Variants in PRIM2 observed in about 807,000 individuals in gnomAD.
PRIM2 encodes the protein DNA primase large subunit.
In PRIM2, 39 loss-of-function variants were observed where a neutral mutation model predicts 67.3. The observed-to-expected ratio is 0.58, with a 90% confidence interval of 0.45 to 0.76. The LOEUF (loss-of-function observed/expected upper bound fraction) is 0.76, where lower values mean the gene tolerates loss of function less well. Among genes scored for constraint, PRIM2 ranks in the 30% least tolerant of loss-of-function variants. The pLI is 0.00. For missense variants in PRIM2, 398 were observed against 598.7 expected (o/e 0.66, Z 3.50); for synonymous variants, 143 against 198.7 (o/e 0.72, Z 2.36).
chr6:57,230,436 T>A, the PRIM2 span, among the ~76,000 whole-genome samples: 1 of 152,336 alleles, frequency 6.6e-6, no homozygotes, highest in East Asian at 1.9e-4. Flanking sequence ...TGTTTTGACA[T>A]AGGCTATTGT....
At chr6:57,605,083 G>C (rs1354747122) in intron 11 of PRIM2, among the ~76,000 whole-genome samples, 2 of 152,160 alleles carry the variant, frequency 1.3e-5, no homozygotes. Context: ...TTATTGATTT[G>C]CATATGTTGA....
the PRIM2 span, among the ~76,000 whole-genome samples, chr6:57,222,679 G>T: frequency 6.6e-6 from 1 of 152,190 alleles, no homozygotes; most frequent in African/African-American, 2.4e-5. Context: ...ATAGAAGCCT[G>T]AGATGGTTAA....
the PRIM2 span, among the ~76,000 whole-genome samples, chr6:57,289,097 G>C: frequency 2.6e-5 from 4 of 152,200 alleles, no homozygotes; most frequent in African/African-American, 9.7e-5. Context: ...AAACAGTTTA[G>C]AGAAGGCCTT....
intron 10 of PRIM2, among the ~76,000 whole-genome samples, chr6:57,592,279 G>A (rs2127488788): frequency 6.6e-6 from 1 of 152,064 alleles, no homozygotes; most frequent in African/African-American, 2.4e-5. Context: ...CAATATAACG[G>A]TATAACAAAC....
intron 10 of PRIM2, among the ~76,000 whole-genome samples, chr6:57,548,777 A>G (rs1178312893): frequency 2.6e-5 from 4 of 152,190 alleles, no homozygotes; most frequent in African/African-American, 9.7e-5. Flanking sequence ...TAGAAAGAAG[A>G]GCTGTGGGAG....
chr6:57,447,380 G>A (rs2127388419), intron 7 of PRIM2, among the ~76,000 whole-genome samples: 1 of 152,246 alleles, frequency 6.6e-6, no homozygotes, highest in African/African-American at 2.4e-5. Flanking sequence ...CACCTCTGTG[G>A]CAATTATTAT....
chr6:57,394,827 G>A (rs1190832529), intron 7 of PRIM2, among the ~76,000 whole-genome samples: 1 of 152,076 alleles, frequency 6.6e-6, no homozygotes, highest in African/African-American at 2.4e-5. Flanking sequence ...TAACATTAAG[G>A]TATGTCCCTT....
intron 10 of PRIM2, among the ~76,000 whole-genome samples, chr6:57,556,483 T>C (rs1217622544): frequency 0.72 from 109,457 of 151,946 alleles, 40,081 homozygotes; most frequent in African/African-American, 0.86. Context: ...GAAATAAGGC[T>C]GCACACCTAC....
rs1769042066 is a variant in PRIM2, at chr6:57,356,724, C to T, written c.460-23177C>T. ...ATTCAAAGGGTAAAAGGGGAGGTTC[C>T]TTTAAATTTAGTTATTTTTTGGCTT... On this transcript the variant is annotated intron_variant, in intron 5 of 13. Coordinates refer to ENST00000615550, the MANE Select transcript of PRIM2 (RefSeq NM_000947.5). Among the ~76,000 whole-genome samples the T allele has an allele frequency of 2.0e-5, 3 of 152,124 alleles. No homozygotes were observed. The South Asian group carries it at 6.2e-4, about 32-fold the overall frequency.
the PRIM2 span, among the ~76,000 whole-genome samples, chr6:57,280,268 GC>G: frequency 6.6e-6 from 1 of 152,082 alleles, no homozygotes; most frequent in Non-Finnish European, 1.5e-5. Context: ...AATAACCACT[GC>G]CAATTTTGGT....
chr6:57,477,804 G>T (rs1320700400), intron 7 of PRIM2, among the ~76,000 whole-genome samples: 1 of 152,130 alleles, frequency 6.6e-6, no homozygotes, highest in East Asian at 1.9e-4. Context: ...CCTCTGTGAA[G>T]GATAAAGCAA....
At chr6:57,288,126 A>G in the PRIM2 span, among the ~76,000 whole-genome samples, 1 of 152,296 alleles carries the variant, frequency 6.6e-6, no homozygotes, top group Non-Finnish European at 1.5e-5. Flanking sequence ...ATTCCCTTCC[A>G]TGCCTGGCTC....
At chr6:57,302,407 GTT>G in the PRIM2 span, among the ~76,000 whole-genome samples, 1 of 152,072 alleles carries the variant, frequency 6.6e-6, no homozygotes. Flanking sequence ...TTTTCCATGG[GTT>G]TAACTGAGTG....
intron 6 of PRIM2, 93 bp from the exon 7 acceptor site, chr6:57,381,938 T>C: frequency 1.5e-6 from 2 of 1,324,056 alleles, no homozygotes; most frequent in Non-Finnish European, 2.0e-6. Context: ...CTAGGACTAA[T>C]GAATTTCTTT....
chr6:57,224,254 C>T, the PRIM2 span, among the ~76,000 whole-genome samples: 1 of 152,132 alleles, frequency 6.6e-6, no homozygotes, highest in East Asian at 1.9e-4. Flanking sequence ...TGGGCAAATC[C>T]TGTCTCAAAA....
At chr6:57,390,649 T>C (rs1770310003) in intron 7 of PRIM2, among the ~76,000 whole-genome samples, 1 of 152,236 alleles carries the variant, frequency 6.6e-6, no homozygotes. Context: ...TTAGGTTTTC[T>C]ATTCTTGGGT....
chr6:57,273,077 A>G, the PRIM2 span, among the ~76,000 whole-genome samples: 1 of 152,098 alleles, frequency 6.6e-6, no homozygotes, highest in East Asian at 1.9e-4. Context: ...CTTCATTTCA[A>G]CTTTGGTGAA....
intron 12 of PRIM2, among the ~76,000 whole-genome samples, chr6:57,619,352 C>G (rs1276659872): frequency 3.9e-5 from 6 of 152,140 alleles, no homozygotes; most frequent in African/African-American, 1.2e-4. Context: ...TATGACCAAA[C>G]AAGGCTCATC....
chr6:57,489,553 G>A (rs1423549411), intron 7 of PRIM2, among the ~76,000 whole-genome samples: 442 of 69,884 alleles, frequency 6.3e-3, no homozygotes, highest in African/African-American at 0.028. Context: ...TGAGACCCCC[G>A]TCTCCAGAAA....
Sources: allele counts gnomAD v4.1 joint callset (sites outside exome capture counted in the v4.1 genomes callset), GRCh38; gene constraint gnomAD v4.1.1; transcripts MANE v1.5; gene names NCBI Gene and HGNC (gene_info 2026-07-23, HGNC 2026-07-21).